THRB: variants seen among roughly 807,000 people sequenced by gnomAD.
THRB encodes the protein thyroid hormone receptor beta, also known as nuclear receptor subfamily 1 group A member 2.
THRB carries 12 observed loss-of-function variants against 47.8 expected under a neutral mutation model. That is an observed-to-expected ratio of 0.25 (90% CI 0.16 to 0.41). THRB has a LOEUF of 0.41. THRB is among the 10% of genes least tolerant of loss of function. The pLI, the probability that THRB is intolerant of heterozygous loss-of-function variation, is 1.00. For synonymous variants in THRB, 218 were observed against 212.2 expected, an observed-to-expected ratio of 1.03 and a Z score of -0.24; for missense variants, 348 against 589.2, an observed-to-expected ratio of 0.59 and a Z score of 4.24.
At chr3:24,356,822 C>T (rs1051583126) in intron 1 of THRB, among the ~76,000 whole-genome samples, 13 of 152,168 alleles carry the variant, frequency 8.5e-5, no homozygotes, top group African/African-American at 2.9e-4. Context: ...CCTGAATATG[C>T]AGAAAAGAAG....
intron 3 of THRB, among the ~76,000 whole-genome samples, chr3:24,258,905 C>A (rs945661749): frequency 2.6e-5 from 4 of 152,144 alleles, no homozygotes; most frequent in African/African-American, 7.2e-5. Context: ...AAGTACACTG[C>A]CTTTTCTAGA....
intron 2 of THRB, among the ~76,000 whole-genome samples, chr3:24,306,467 G>A (rs1412721667): frequency 1.3e-5 from 2 of 152,130 alleles, no homozygotes; most frequent in African/African-American, 4.8e-5. Flanking sequence ...CCTGAAAGCA[G>A]GAATTATAAA....
chr3:24,172,630 T>C (rs1300307841), intron 5 of THRB, among the ~76,000 whole-genome samples: 1 of 152,142 alleles, frequency 6.6e-6, no homozygotes. Context: ...GACAGTGTTT[T>C]ACTAGTGAAA....
rs2030874675 is a variant in THRB, at chr3:24,117,458, T to C, written c.*5426A>G. 1 of 152,272 alleles carries C rather than the reference T, an allele frequency of 6.6e-6. No individual in the cohort carries two copies. The highest frequency in any genetic ancestry group is 2.4e-5 in the African/African-American group (1 of 41,468). The allele number at this position is 152,272 out of a possible 1,614,324, so 9.4% of individuals were successfully genotyped here. ...TCCTGAGGATAAGGTTGGTTATGCA[T>C]CTGTTTTCCTCACCACAGTGATTGG... On this transcript the variant is annotated 3_prime_UTR_variant, in exon 11 of 11. Coordinates refer to ENST00000646209, the MANE Select transcript of THRB (RefSeq NM_001354712.2).
intron 5 of THRB, among the ~76,000 whole-genome samples, chr3:24,162,424 G>A (rs2039004395): frequency 6.6e-6 from 1 of 152,124 alleles, no homozygotes; most frequent in Non-Finnish European, 1.5e-5. Flanking sequence ...CATATCTTCT[G>A]AGTGAATGAT....
intron 3 of THRB, among the ~76,000 whole-genome samples, chr3:24,269,297 A>T (rs1440470873): frequency 0.017 from 1,629 of 98,594 alleles, 22 homozygotes; most frequent in African/African-American, 0.053. Flanking sequence ...ACACACACAC[A>T]CACACACACA....
chr3:24,130,387 C>T (rs192782187), intron 9 of THRB, among the ~76,000 whole-genome samples: 7 of 152,270 alleles, frequency 4.6e-5, no homozygotes, highest in Admixed American at 1.3e-4. Flanking sequence ...CTGTTTTCTT[C>T]CTTCAACTGA....
intron 3 of THRB, among the ~76,000 whole-genome samples, chr3:24,271,653 T>C (rs145450348): frequency 9.2e-5 from 14 of 152,334 alleles, no homozygotes; most frequent in South Asian, 2.1e-4. Flanking sequence ...AATTAGAATG[T>C]AATAACTTTT....
At position 24,292,140 on chromosome 3, in the gene THRB, T is replaced by C. The variant is rs549595644; in HGVS notation, c.-43+5086A>G. 7.9e-5 allele frequency among the ~76,000 whole-genome samples: 12 copies of C among 152,278 alleles called. No homozygotes were observed. The South Asian group carries it at 2.5e-3, about 32-fold the overall frequency. On this transcript the variant is annotated intron_variant, in intron 3 of 10. Coordinates refer to ENST00000646209, the MANE Select transcript of THRB (RefSeq NM_001354712.2). ...AGGAAAAAATTTAATCTGTGTTACA[T>C]ACAATGTGTGTGCACATGTTTGTAC...
chr3:24,480,516 C>A (rs1696202341), intron 1 of THRB, among the ~76,000 whole-genome samples: 1 of 152,178 alleles, frequency 6.6e-6, no homozygotes, highest in Admixed American at 6.5e-5. Flanking sequence ...CAAACATACT[C>A]CTTATTAGGG....
intron 4 of THRB, among the ~76,000 whole-genome samples, chr3:24,203,197 G>C (rs530053445): frequency 6.6e-6 from 1 of 152,150 alleles, no homozygotes; most frequent in African/African-American, 2.4e-5. Flanking sequence ...TGGCTCTCTT[G>C]AGCTCAGGAG....
At chr3:24,481,797 T>C (rs1696465310) in intron 1 of THRB, among the ~76,000 whole-genome samples, 1 of 148,546 alleles carries the variant, frequency 6.7e-6, no homozygotes, top group African/African-American at 2.5e-5. Context: ...GGGGAAAATA[T>C]GCATTGGACT....
intron 5 of THRB, among the ~76,000 whole-genome samples, chr3:24,183,389 CAG>C (rs1179469306): frequency 8.0e-5 from 10 of 124,882 alleles, no homozygotes; most frequent in Non-Finnish European, 1.4e-4. Flanking sequence ...TTTTTTGAGA[CAG>C]AGTCTCACTC....
chr3:24,124,732 T>G (rs980339929), intron 10 of THRB, among the ~76,000 whole-genome samples: 1 of 152,184 alleles, frequency 6.6e-6, no homozygotes, highest in African/African-American at 2.4e-5. Flanking sequence ...CTTGGAAAAG[T>G]CTTTGAAGAA....
chr3:24,339,378 A>G (rs552404345), intron 1 of THRB, among the ~76,000 whole-genome samples: 2 of 152,330 alleles, frequency 1.3e-5, no homozygotes, highest in Admixed American at 6.5e-5. Context: ...AGTATTATAA[A>G]TGACCCCGTT....
intron 5 of THRB, among the ~76,000 whole-genome samples, chr3:24,159,894 C>A (rs1281375975): frequency 6.6e-6 from 1 of 152,114 alleles, no homozygotes; most frequent in Non-Finnish European, 1.5e-5. Context: ...GGTTAAGAAA[C>A]CCTAGTCTAA....
intron 3 of THRB, among the ~76,000 whole-genome samples, chr3:24,238,279 G>GTGT (rs1553662105): frequency 3.4e-4 from 5 of 14,630 alleles, no homozygotes; most frequent in African/African-American, 1.4e-3. Flanking sequence ...GTGTGTGTGT[G>GTGT]GGGGGGGGGG....
intron 1 of THRB, among the ~76,000 whole-genome samples, chr3:24,473,879 G>C (rs1297652425): frequency 6.6e-6 from 1 of 152,270 alleles, no homozygotes; most frequent in African/African-American, 2.4e-5. Flanking sequence ...ATAAGTTGGA[G>C]TGGGAACTCA....
At chr3:24,141,866 TG>T (rs889765693) in intron 8 of THRB, among the ~76,000 whole-genome samples, 2 of 152,176 alleles carry the variant, frequency 1.3e-5, no homozygotes, top group African/African-American at 4.8e-5. Flanking sequence ...GTGACACATT[TG>T]GGGAAAGGAT....
Sources: gnomAD v4.1 joint callset for allele counts (sites outside exome capture counted in the v4.1 genomes callset) on GRCh38, gnomAD v4.1.1 for gene constraint, MANE v1.5 for transcripts, NCBI Gene and HGNC (gene_info 2026-07-23, HGNC 2026-07-21) for gene names.